ESRRB: variants seen among roughly 807,000 people sequenced by gnomAD.
ESRRB encodes steroid hormone receptor ERR2.
ESRRB carries 16 observed loss-of-function variants against 46.0 expected under a neutral mutation model. The observed-to-expected ratio is 0.35, with a 90% CI of 0.24 to 0.53. The LOEUF (loss-of-function observed/expected upper bound fraction) is 0.53, where lower values mean the gene tolerates loss of function less well. Ranked by LOEUF, ESRRB falls within the 20% of genes least tolerant of loss-of-function variation. The probability of loss-of-function intolerance (pLI) is 0.93; values close to 1 mark genes in which losing one functional copy is unlikely to be tolerated. For missense variants in ESRRB, 488 were observed against 607.4 expected (o/e 0.80, Z 2.07); for synonymous variants, 246 against 259.6 (o/e 0.95, Z 0.50).
At chr14:76,331,906 C>T (rs1884018244) in intron 1 of ESRRB, among the ~76,000 whole-genome samples, 1 of 151,776 alleles carries the variant, frequency 6.6e-6, no homozygotes, top group Non-Finnish European at 1.5e-5. Context: ...TAATAGAAGT[C>T]CAGGTGCCCA....
In ESRRB at chr14:76,500,898, G is replaced by A. The variant is rs1890636639; in HGVS notation, c.*2440G>A. The A allele has an allele frequency of 2.9e-6, 2 of 682,774 alleles. No individual in the cohort carries two copies. The highest frequency in any genetic ancestry group is 2.7e-6 in the Non-Finnish European group (1 of 376,934). The allele number at this position is 682,774 out of a possible 1,614,324, so 42.3% of individuals were successfully genotyped here. On this transcript the variant is annotated 3_prime_UTR_variant, in exon 7 of 7. Transcript: ENST00000644823. The stretch of plus-strand genomic sequence containing the variant: ...TATACTTAAAACTCAGATCACAACA[G>A]GAAATGTGTCAGTAACAATGGAACT...
chr14:76,372,279 G>C (rs1275050688), upstream of ESRRB, among the ~76,000 whole-genome samples: 1 of 152,152 alleles, frequency 6.6e-6, no homozygotes, highest in Non-Finnish European at 1.5e-5. Context: ...GGGCTAGGCT[G>C]TGTGTGAAAA....
At chr14:76,329,771 C>A (rs1235074732) in intron 1 of ESRRB, among the ~76,000 whole-genome samples, 1 of 152,166 alleles carries the variant, frequency 6.6e-6, no homozygotes, top group East Asian at 1.9e-4. Context: ...CGGGTCCCAG[C>A]AGGTGTTCCC....
chr14:76,333,164 ATTATATATACT>A (rs1884073235), intron 1 of ESRRB, among the ~76,000 whole-genome samples: 2 of 17,588 alleles, frequency 1.1e-4, no homozygotes, highest in Non-Finnish European at 2.0e-4. Context: ...TATAATATAT[ATTATATATACT>A]ATATATATAT....
At chr14:76,342,513 C>A (rs1884203528) in intron 1 of ESRRB, among the ~76,000 whole-genome samples, 1 of 152,188 alleles carries the variant, frequency 6.6e-6, no homozygotes. Flanking sequence ...CTGGTGCTCC[C>A]ACTTGCAGCT....
intron 2 of ESRRB, among the ~76,000 whole-genome samples, chr14:76,447,395 C>T (rs1888198879): frequency 6.6e-6 from 1 of 151,940 alleles, no homozygotes; most frequent in Non-Finnish European, 1.5e-5. Context: ...TCTCTTCCTC[C>T]TCTCAGTTCT....
chr14:76,393,678 C>A (rs1455987787), intron 1 of ESRRB, among the ~76,000 whole-genome samples: 1 of 152,124 alleles, frequency 6.6e-6, no homozygotes, highest in Non-Finnish European at 1.5e-5. Context: ...AAGCAGGTGC[C>A]CATGTCCAGC....
chr14:76,415,514 G>A (rs928762818), intron 1 of ESRRB, among the ~76,000 whole-genome samples: 1 of 151,924 alleles, frequency 6.6e-6, no homozygotes, highest in African/African-American at 2.4e-5. Flanking sequence ...ACAAAAATTA[G>A]CCAGGCGTGG....
chr14:76,333,084 TTATATTATATATTA>T (rs1217011136), intron 1 of ESRRB, among the ~76,000 whole-genome samples: 1 of 2,320 alleles, frequency 4.3e-4, no homozygotes, highest in Non-Finnish European at 7.2e-4. Flanking sequence ...TATATATTAT[TTATATTATATATTA>T]TATATAATAT....
At chr14:76,477,860 G>A (rs1442932604) in intron 3 of ESRRB, among the ~76,000 whole-genome samples, 1 of 152,174 alleles carries the variant, frequency 6.6e-6, no homozygotes, top group Non-Finnish European at 1.5e-5. Context: ...GCTGTGCGCT[G>A]GGAGGTCATA....
intron 3 of ESRRB, chr14:76,463,563 C>A (rs1002906004): frequency 6.6e-6 from 1 of 150,934 alleles, no homozygotes; most frequent in African/African-American, 2.4e-5. Flanking sequence ...TCTCATGCCT[C>A]AGCCTCCCGA....
intron 1 of ESRRB, among the ~76,000 whole-genome samples, chr14:76,397,598 A>T (rs1160345911): frequency 2.0e-5 from 3 of 152,180 alleles, no homozygotes; most frequent in Non-Finnish European, 4.4e-5. Flanking sequence ...TTTGGGCAAA[A>T]ATTGAGACAA....
intron 1 of ESRRB, among the ~76,000 whole-genome samples, chr14:76,417,164 G>A (rs1484045240): frequency 1.3e-5 from 2 of 152,092 alleles, no homozygotes; most frequent in Non-Finnish European, 2.9e-5. Context: ...GAAAGAAAAA[G>A]ATGTAGAGTA....
chr14:76,488,221 T>C (rs1439206342), intron 5 of ESRRB, among the ~76,000 whole-genome samples: 1 of 152,216 alleles, frequency 6.6e-6, no homozygotes, highest in African/African-American at 2.4e-5. Flanking sequence ...TTGCACAAAA[T>C]GAAGAAGGCT....
chr14:76,433,006 C>T (rs1455445038), intron 1 of ESRRB, among the ~76,000 whole-genome samples: 1 of 152,098 alleles, frequency 6.6e-6, no homozygotes, highest in African/African-American at 2.4e-5. Context: ...AAGATCCTCT[C>T]ATGATGGCAT....
intron 5 of ESRRB, among the ~76,000 whole-genome samples, chr14:76,487,430 G>C (rs974829647): frequency 6.6e-6 from 1 of 151,836 alleles, no homozygotes; most frequent in East Asian, 1.9e-4. Context: ...TCCACACAGA[G>C]TTCTAACTTA....
intron 1 of ESRRB, among the ~76,000 whole-genome samples, chr14:76,436,399 A>G (rs1276578057): frequency 6.6e-6 from 1 of 152,170 alleles, no homozygotes; most frequent in East Asian, 1.9e-4. Context: ...TGTTTATGTC[A>G]AGTGTATCTC....
chr14:76,472,310 G>A (rs1181183189), intron 3 of ESRRB, among the ~76,000 whole-genome samples: 1 of 152,188 alleles, frequency 6.6e-6, no homozygotes, highest in Non-Finnish European at 1.5e-5. Context: ...TGGTGGCATG[G>A]TAAGAAGTGT....
chr14:76,341,923 G>T (rs1884195996), intron 1 of ESRRB, among the ~76,000 whole-genome samples: 1 of 152,228 alleles, frequency 6.6e-6, no homozygotes, highest in Non-Finnish European at 1.5e-5. Flanking sequence ...CTGGAGAATG[G>T]TGAGGAGTTG....
Sources: allele counts gnomAD v4.1 joint callset (sites outside exome capture counted in the v4.1 genomes callset), GRCh38; gene constraint gnomAD v4.1.1; transcripts MANE v1.5; gene names NCBI Gene and HGNC (gene_info 2026-07-23, HGNC 2026-07-21).